RALGPS1: variants seen among roughly 807,000 people sequenced by gnomAD.
RALGPS1 encodes the protein Ral GEF with PH domain and SH3 binding motif 1.
In RALGPS1, 19 loss-of-function variants were observed where a neutral mutation model predicts 78.8. The ratio of observed to expected loss-of-function variants is 0.24; its 90% CI spans 0.17 to 0.35. RALGPS1 has a LOEUF of 0.35. RALGPS1 is among the 10% of genes least tolerant of loss of function. RALGPS1 has a pLI of 1.00. For missense variants in RALGPS1, 454 were observed against 688.3 expected (o/e 0.66, Z 3.81); for synonymous variants, 228 against 256.3 (o/e 0.89, Z 1.06).
intron 8 of RALGPS1, among the ~76,000 whole-genome samples, chr9:127,152,757 C>A (rs529688649): frequency 2.0e-5 from 3 of 152,156 alleles, no homozygotes; most frequent in Admixed American, 6.5e-5. Context: ...CTGTGAGGGG[C>A]GGCCTAGTCT....
intron 1 of RALGPS1, among the ~76,000 whole-genome samples, chr9:126,942,842 A>G (rs149284565): frequency 0.018 from 2,788 of 152,158 alleles, 46 homozygotes; most frequent in Middle Eastern, 0.027. Context: ...CCTTTGATTT[A>G]AGTCTTTTTT....
intron 14 of RALGPS1, among the ~76,000 whole-genome samples, chr9:127,207,400 C>T (rs72766217): frequency 1.1e-4 from 17 of 152,278 alleles, no homozygotes; most frequent in Non-Finnish European, 1.9e-4. Context: ...CTTAGTCAAA[C>T]GGCCTTCCTA....
chr9:127,167,019 A>C, intron 9 of RALGPS1, among the ~76,000 whole-genome samples: 1 of 125,478 alleles, frequency 8.0e-6, no homozygotes, highest in Non-Finnish European at 1.7e-5. Flanking sequence ...TCAGCCGTGA[A>C]GGGGGTGTGG....
intron 1 of RALGPS1, among the ~76,000 whole-genome samples, chr9:126,920,704 G>T (rs2034665293): frequency 6.6e-6 from 1 of 152,194 alleles, no homozygotes; most frequent in South Asian, 2.1e-4. Context: ...CTGCCTTGCT[G>T]GGCTCTTGCT....
chr9:127,126,928 T>C (rs542191725), intron 8 of RALGPS1, among the ~76,000 whole-genome samples: 2 of 152,370 alleles, frequency 1.3e-5, no homozygotes, highest in East Asian at 3.8e-4. Flanking sequence ...ATACTGGACA[T>C]TGTGGATGAT....
intron 1 of RALGPS1, among the ~76,000 whole-genome samples, chr9:126,928,133 C>G (rs1447082945): frequency 6.6e-6 from 1 of 152,134 alleles, no homozygotes; most frequent in Admixed American, 6.5e-5. Context: ...GGTGAAGAGC[C>G]TTTAATCTGA....
chr9:127,199,087 G>A (rs1479307662), intron 14 of RALGPS1, 21 bp downstream of exon 14: 1 of 1,611,278 alleles, frequency 6.2e-7, no homozygotes, highest in South Asian at 1.1e-5. Context: ...CCTCAGCATG[G>A]CCTCCCTCCC....
At chr9:126,974,458 G>T (rs1232855918) in intron 3 of RALGPS1, among the ~76,000 whole-genome samples, 1 of 152,134 alleles carries the variant, frequency 6.6e-6, no homozygotes, top group Non-Finnish European at 1.5e-5. Context: ...TACATTTAAG[G>T]TTGAGGCTGG....
chr9:126,915,506 C>T (rs1438991022), intron 1 of RALGPS1: 1 of 151,426 alleles, frequency 6.6e-6, no homozygotes, highest in Non-Finnish European at 1.5e-5. Context: ...GAGTGGTCGC[C>T]CGAGAAGGAA....
At chr9:127,084,241 C>T (rs1243885499) in intron 8 of RALGPS1, among the ~76,000 whole-genome samples, 1 of 152,142 alleles carries the variant, frequency 6.6e-6, no homozygotes, top group East Asian at 1.9e-4. Flanking sequence ...TCCACTTCTT[C>T]GCTGGATCCC....
chr9:127,018,232 A>C (rs1418606008), intron 4 of RALGPS1, among the ~76,000 whole-genome samples: 3 of 151,716 alleles, frequency 2.0e-5, no homozygotes, highest in Non-Finnish European at 1.5e-5. Flanking sequence ...AAAACAAAAC[A>C]AAACCCAAAC....
chr9:127,186,884 A>G (rs1023653521), intron 11 of RALGPS1, among the ~76,000 whole-genome samples: 6 of 152,262 alleles, frequency 3.9e-5, no homozygotes, highest in Middle Eastern at 3.4e-3. Context: ...CTGGAGGGAG[A>G]GTCAAGAATT....
At chr9:127,169,335 A>G (rs1014810251) in intron 10 of RALGPS1, among the ~76,000 whole-genome samples, 4 of 152,204 alleles carry the variant, frequency 2.6e-5, no homozygotes, top group Non-Finnish European at 5.9e-5. Flanking sequence ...CCCAGTTCTC[A>G]TAACAAACCC....
At position 127,207,761 on chromosome 9, in the gene RALGPS1, G is replaced by T. The variant is rs76957276; in HGVS notation, c.1248-4370G>T. Among the ~76,000 whole-genome samples, 14 of 152,204 alleles carry T rather than the reference G, an allele frequency of 9.2e-5. No homozygotes were observed. In the East Asian group the frequency reaches 2.7e-3, roughly 30 times the overall value. ...TCTGGAGGACTCACCTGGAGGGAAG[G>T]CTGGCCACTTCCACCCTAACTCTGT... On this transcript the variant is annotated intron_variant, in intron 14 of 18. Transcript: ENST00000259351.
At chr9:127,008,164 G>T (rs944086026) in intron 4 of RALGPS1, among the ~76,000 whole-genome samples, 4 of 151,952 alleles carry the variant, frequency 2.6e-5, no homozygotes, top group Non-Finnish European at 5.9e-5. Flanking sequence ...AATGATGTGG[G>T]GGTGGGGCGG....
At chr9:127,194,346 T>C (rs2061239365) in intron 11 of RALGPS1, among the ~76,000 whole-genome samples, 1 of 152,192 alleles carries the variant, frequency 6.6e-6, no homozygotes, top group African/African-American at 2.4e-5. Context: ...TTTTGTTTAA[T>C]GAGTACATAG....
intron 4 of RALGPS1, among the ~76,000 whole-genome samples, chr9:127,012,985 G>A (rs1439283416): frequency 1.3e-5 from 2 of 152,174 alleles, no homozygotes; most frequent in African/African-American, 4.8e-5. Context: ...CACTAAAGAG[G>A]ACAAAGTGCT....
At chr9:127,127,898 T>C (rs919708637) in intron 8 of RALGPS1, among the ~76,000 whole-genome samples, 1 of 152,220 alleles carries the variant, frequency 6.6e-6, no homozygotes, top group African/African-American at 2.4e-5. Flanking sequence ...TATTATACTT[T>C]AAGTTCTGGG....
chr9:127,153,143 A>G (rs1006955005), intron 8 of RALGPS1, among the ~76,000 whole-genome samples: 1 of 152,198 alleles, frequency 6.6e-6, no homozygotes, highest in African/African-American at 2.4e-5. Context: ...TTCTGCAGTC[A>G]AACTGTCTGG....
Sources: gnomAD v4.1 joint callset for allele counts (sites outside exome capture counted in the v4.1 genomes callset) on GRCh38, gnomAD v4.1.1 for gene constraint, MANE v1.5 for transcripts, NCBI Gene and HGNC (gene_info 2026-07-23, HGNC 2026-07-21) for gene names.